GPR107: variants seen among roughly 807,000 people sequenced by gnomAD.
The protein encoded by GPR107 is protein GPR107.
GPR107 carries 31 observed loss-of-function variants against 75.5 expected under a neutral mutation model. That is an observed-to-expected ratio of 0.41 (90% CI 0.31 to 0.55). The LOEUF (loss-of-function observed/expected upper bound fraction) is 0.55. GPR107 is among the 20% of genes least tolerant of loss of function. The pLI, the probability that GPR107 is intolerant of heterozygous loss-of-function variation, is 0.26. For missense variants in GPR107, 572 were observed against 665.7 expected, an observed-to-expected ratio of 0.86 and a Z score of 1.55; for synonymous variants, 267 against 251.3, an observed-to-expected ratio of 1.06 and a Z score of -0.59.
At chr9:130,066,756 C>T (rs1459075420) in intron 1 of GPR107, among the ~76,000 whole-genome samples, 1 of 152,062 alleles carries the variant, frequency 6.6e-6, no homozygotes, top group African/African-American at 2.4e-5. Flanking sequence ...GAGGCCGAGG[C>T]AGGCAGATCA....
intron 17 of GPR107, among the ~76,000 whole-genome samples, chr9:130,133,922 C>T (rs1554899568): frequency 6.6e-6 from 1 of 152,126 alleles, no homozygotes; most frequent in African/African-American, 2.4e-5. Flanking sequence ...CAAACATTTA[C>T]TTACCATGAG....
intron 1 of GPR107, among the ~76,000 whole-genome samples, chr9:130,059,488 C>CA (rs200750236): frequency 0.032 from 4,807 of 149,566 alleles, 90 homozygotes; most frequent in African/African-American, 0.04. Flanking sequence ...ACTCCCATCT[C>CA]AAAAAAAAAT....
chr9:130,073,190 G>A (rs1830253258), intron 1 of GPR107, among the ~76,000 whole-genome samples: 1 of 152,170 alleles, frequency 6.6e-6, no homozygotes. Context: ...TTATGTGGCA[G>A]AAATTGTGTG....
intron 17 of GPR107, among the ~76,000 whole-genome samples, chr9:130,132,808 TATA>T (rs1831859339): frequency 9.8e-6 from 1 of 101,732 alleles, no homozygotes; most frequent in African/African-American, 3.8e-5. Context: ...AAAAAAAAAA[TATA>T]TATATATTTT....
chr9:130,069,532 T>G (rs1830148501), intron 1 of GPR107, among the ~76,000 whole-genome samples: 1 of 152,216 alleles, frequency 6.6e-6, no homozygotes, highest in Admixed American at 6.5e-5. Flanking sequence ...TCTCAAGATA[T>G]CTATGCCTCT....
At chr9:130,072,421 G>GT (rs1253782886) in intron 1 of GPR107, among the ~76,000 whole-genome samples, 1 of 151,804 alleles carries the variant, frequency 6.6e-6, no homozygotes, top group East Asian at 1.9e-4. Flanking sequence ...AGGTTTCACC[G>GT]TGTTAGCCAG....
Position 130,092,397 on chromosome 9 carries a change from C to T in GPR107, c.863+16C>T. 6.2e-7 allele frequency: 1 copy of T among 1,604,924 alleles called. No homozygotes were observed. The highest frequency in any genetic ancestry group is 2.2e-5 in the East Asian group (1 of 44,836). On this transcript the variant is annotated intron_variant, in intron 9 of 17. Transcript: ENST00000347136. Reference sequence around the variant, plus strand: ...GAAAACGACGGTAAACTATTTCTCCCTTCAACTTAAGAGTGTGTTGAGATT... The same window carrying T: ...GAAAACGACGGTAAACTATTTCTCCTTTCAACTTAAGAGTGTGTTGAGATT...
intron 9 of GPR107, among the ~76,000 whole-genome samples, chr9:130,096,359 G>A (rs531770801): frequency 1.3e-5 from 2 of 152,036 alleles, no homozygotes; most frequent in East Asian, 3.9e-4. Context: ...TTCTCACTTG[G>A]TGCCAGGCCC....
chr9:130,062,523 A>C (rs1345242058), intron 1 of GPR107, among the ~76,000 whole-genome samples: 1 of 151,854 alleles, frequency 6.6e-6, no homozygotes, highest in African/African-American at 2.4e-5. Context: ...AATACCTACT[A>C]TGTGCTAGGC....
chr9:130,092,719 C>T (rs1352074216), intron 9 of GPR107, among the ~76,000 whole-genome samples: 1 of 151,928 alleles, frequency 6.6e-6, no homozygotes, highest in African/African-American at 2.4e-5. Context: ...GTGTTCATGC[C>T]AGTCTTCCAC....
chr9:130,067,673 A>T (rs1830099586), intron 1 of GPR107, among the ~76,000 whole-genome samples: 2 of 151,946 alleles, frequency 1.3e-5, no homozygotes, highest in African/African-American at 4.8e-5. Context: ...CAAGAATTAT[A>T]ATATTAAACT....
intron 1 of GPR107, among the ~76,000 whole-genome samples, chr9:130,057,960 C>T (rs1194916907): frequency 6.6e-6 from 1 of 151,994 alleles, no homozygotes; most frequent in Admixed American, 6.6e-5. Flanking sequence ...TCCCAAGTAG[C>T]TGGGATTATA....
intron 14 of GPR107, among the ~76,000 whole-genome samples, chr9:130,109,372 C>T (rs771115356): frequency 3.9e-5 from 6 of 151,968 alleles, no homozygotes; most frequent in Non-Finnish European, 7.4e-5. Flanking sequence ...GGTTTCACCA[C>T]CTTGGCCAGG....
At chr9:130,056,381 A>G (rs955836390) in intron 1 of GPR107, among the ~76,000 whole-genome samples, 1 of 151,844 alleles carries the variant, frequency 6.6e-6, no homozygotes, top group African/African-American at 2.4e-5. Context: ...ACCCAGGAGT[A>G]GGAAGTTGCA....
chr9:130,121,208 A>G (rs943559246), intron 14 of GPR107, among the ~76,000 whole-genome samples: 1 of 151,910 alleles, frequency 6.6e-6, no homozygotes, highest in Non-Finnish European at 1.5e-5. Flanking sequence ...AAAACAAAAC[A>G]AAACAAAACA....
chr9:130,128,844 T>C (rs1669917380), intron 17 of GPR107, 83 bp downstream of exon 17: 1 of 1,289,786 alleles, frequency 7.8e-7, no homozygotes, highest in African/African-American at 1.5e-5. Flanking sequence ...GGTCGGCTGC[T>C]CTCAGCATTT....
intron 17 of GPR107, among the ~76,000 whole-genome samples, chr9:130,133,858 T>C (rs527430015): frequency 6.6e-6 from 1 of 152,266 alleles, no homozygotes; most frequent in African/African-American, 2.4e-5. Context: ...AGCACCATAA[T>C]GGCAAGAATG....
At chr9:130,058,255 T>C (rs1829840150) in intron 1 of GPR107, among the ~76,000 whole-genome samples, 3 of 152,202 alleles carry the variant, frequency 2.0e-5, no homozygotes, top group African/African-American at 7.2e-5. Flanking sequence ...TATAATGCAA[T>C]GATTGTTAGT....
At chr9:130,131,805 C>G (rs1831834187) in intron 17 of GPR107, among the ~76,000 whole-genome samples, 1 of 152,132 alleles carries the variant, frequency 6.6e-6, no homozygotes, top group Admixed American at 6.5e-5. Flanking sequence ...CCCCCAGCCC[C>G]ACCCCGCCTC....
Sources: gnomAD v4.1 joint callset for allele counts (sites outside exome capture counted in the v4.1 genomes callset) on GRCh38, gnomAD v4.1.1 for gene constraint, MANE v1.5 for transcripts, NCBI Gene and HGNC (gene_info 2026-07-23, HGNC 2026-07-21) for gene names.